Variants in PTPRD observed in about 807,000 individuals in gnomAD.
PTPRD encodes the protein protein tyrosine phosphatase receptor type D, also known as receptor-type tyrosine-protein phosphatase delta.
PTPRD carries 34 observed loss-of-function variants against 214.5 expected under a neutral mutation model. The observed-to-expected ratio is 0.16, with a 90% CI of 0.12 to 0.21. PTPRD has a LOEUF of 0.21. Among genes scored for constraint, PTPRD ranks in the 10% least tolerant of loss-of-function variants. The pLI is 1.00. For missense variants in PTPRD, 2,545 were observed against 2,398.7 expected, an observed-to-expected ratio of 1.06 and a Z score of -1.27; for synonymous variants, 1,128 against 845.7, an observed-to-expected ratio of 1.33 and a Z score of -5.79.
chr9:9,519,684 C>T (rs2096919640), intron 8 of PTPRD, among the ~76,000 whole-genome samples: 1 of 151,850 alleles, frequency 6.6e-6, no homozygotes, highest in African/African-American at 2.4e-5. Flanking sequence ...CTATAAAACA[C>T]ATATTGACAG....
At chr9:10,036,198 A>G (rs1301964425) in intron 3 of PTPRD, among the ~76,000 whole-genome samples, 1 of 152,194 alleles carries the variant, frequency 6.6e-6, no homozygotes, top group East Asian at 1.9e-4. Context: ...TAGGACTGAC[A>G]GTCTACATAC....
chr9:8,568,149 T>C (rs772161251), intron 14 of PTPRD, among the ~76,000 whole-genome samples: 1 of 152,172 alleles, frequency 6.6e-6, no homozygotes, highest in Non-Finnish European at 1.5e-5. Context: ...ATCCAATAGA[T>C]TTTGGTTTAG....
chr9:8,693,919 C>T (rs2097857521), intron 12 of PTPRD, among the ~76,000 whole-genome samples: 1 of 152,078 alleles, frequency 6.6e-6, no homozygotes, highest in Non-Finnish European at 1.5e-5. Flanking sequence ...TTCCTAAATG[C>T]TAGATTGAGA....
chr9:9,817,478 A>T (rs2049136465), intron 5 of PTPRD, among the ~76,000 whole-genome samples: 2 of 152,164 alleles, frequency 1.3e-5, no homozygotes, highest in African/African-American at 4.8e-5. Context: ...AACTACTCAA[A>T]AATTGCTTCA....
chr9:8,942,173 G>T (rs77532187), intron 11 of PTPRD, among the ~76,000 whole-genome samples: 1 of 152,142 alleles, frequency 6.6e-6, no homozygotes, highest in South Asian at 2.1e-4. Context: ...GAGTCTGGTC[G>T]ATACTTTACC....
intron 2 of PTPRD, among the ~76,000 whole-genome samples, chr9:10,539,586 C>A (rs906811069): frequency 6.6e-5 from 10 of 152,188 alleles, no homozygotes; most frequent in African/African-American, 2.4e-4. Context: ...CCACACAGGG[C>A]CAAGCTGATA....
chr9:10,531,682 G>A (rs1486667173), intron 2 of PTPRD, among the ~76,000 whole-genome samples: 3 of 152,134 alleles, frequency 2.0e-5, no homozygotes, highest in Admixed American at 6.6e-5. Flanking sequence ...ATGCATGTAT[G>A]CATTTTGTGT....
chr9:9,336,011 G>GA (rs962816539), intron 9 of PTPRD, among the ~76,000 whole-genome samples: 1 of 151,794 alleles, frequency 6.6e-6, no homozygotes, highest in African/African-American at 2.4e-5. Context: ...GGAATTTCAG[G>GA]AAAAAATGCA....
chr9:8,429,868 G>A (rs2094928953), intron 35 of PTPRD, among the ~76,000 whole-genome samples: 1 of 152,154 alleles, frequency 6.6e-6, no homozygotes. Context: ...CCTCTCCAAT[G>A]GCAACAGAAA....
chr9:9,544,986 T>C (rs1235279522), intron 8 of PTPRD, among the ~76,000 whole-genome samples: 2 of 151,698 alleles, frequency 1.3e-5, no homozygotes, highest in Non-Finnish European at 1.5e-5. Context: ...ATTATTTTTA[T>C]TTTTTAGAGG....
At chr9:9,799,320 T>C (rs1472806116) in intron 5 of PTPRD, 1 of 152,038 alleles carries the variant, frequency 6.6e-6, no homozygotes, top group African/African-American at 2.4e-5. Flanking sequence ...TTTAAATGAG[T>C]TAATCAATAG....
At chr9:9,904,065 A>C (rs2077006822) in intron 5 of PTPRD, among the ~76,000 whole-genome samples, 1 of 152,118 alleles carries the variant, frequency 6.6e-6, no homozygotes, top group Admixed American at 6.6e-5. Flanking sequence ...TGATAGTGAA[A>C]AGACAGTTTC....
rs572701127 is a variant in PTPRD at position 9,858,608 on chromosome 9, A to G, written c.-368+79899T>C. Among the ~76,000 whole-genome samples, 8 of 152,322 alleles carry G rather than the reference A, an allele frequency of 5.3e-5. No homozygotes were observed. In the East Asian group the frequency reaches 1.5e-3, roughly 29 times the overall value. On this transcript the variant is annotated intron_variant, in intron 5 of 45. Coordinates refer to ENST00000381196, the MANE Select transcript of PTPRD (RefSeq NM_002839.4). ...TCAGAACATGAAGCAGCAGTTAGCC[A>G]TTGGTCCGTGTCTCAGTTTCTTAAT... is the stretch of plus-strand genomic sequence containing the variant.
chr9:9,640,403 G>A (rs1409680055), intron 7 of PTPRD, among the ~76,000 whole-genome samples: 1 of 152,148 alleles, frequency 6.6e-6, no homozygotes, highest in African/African-American at 2.4e-5. Context: ...AACTGAGAGA[G>A]GAACAAGGGC....
chr9:8,331,522 A>G (rs2131624487), intron 44 of PTPRD, 60 bp downstream of exon 44: 2 of 1,589,682 alleles, frequency 1.3e-6, no homozygotes, highest in African/African-American at 1.4e-5. Context: ...CAAAAAGTGT[A>G]TACAGACAAT....
intron 9 of PTPRD, among the ~76,000 whole-genome samples, chr9:9,225,011 C>G (rs1382764111): frequency 1.3e-5 from 2 of 151,986 alleles, no homozygotes; most frequent in African/African-American, 4.8e-5. Flanking sequence ...TGGTTAAACT[C>G]ATTTATACAC....
chr9:8,487,182 G>A (rs2136030465), intron 27 of PTPRD, among the ~76,000 whole-genome samples: 1 of 152,192 alleles, frequency 6.6e-6, no homozygotes, highest in South Asian at 2.1e-4. Context: ...CTTAGCATGA[G>A]GTTCTGCATT....
chr9:9,209,840 T>A (rs1000729958), intron 9 of PTPRD, among the ~76,000 whole-genome samples: 4 of 152,166 alleles, frequency 2.6e-5, no homozygotes, highest in African/African-American at 9.6e-5. Flanking sequence ...GTTTCATGGA[T>A]GCTGACAGAA....
At chr9:9,854,694 A>G (rs1177347596) in intron 5 of PTPRD, among the ~76,000 whole-genome samples, 2 of 152,090 alleles carry the variant, frequency 1.3e-5, no homozygotes, top group African/African-American at 4.8e-5. Flanking sequence ...TTGAATTATA[A>G]TCCAGTTTTT....
Sources: allele counts gnomAD v4.1 joint callset (sites outside exome capture counted in the v4.1 genomes callset), GRCh38; gene constraint gnomAD v4.1.1; transcripts MANE v1.5; gene names NCBI Gene and HGNC (gene_info 2026-07-23, HGNC 2026-07-21).